Variants in NR3C1 observed in about 807,000 individuals in gnomAD.
NR3C1 encodes glucocorticoid receptor.
A neutral mutation model predicts 74.0 loss-of-function variants in NR3C1; 14 were observed. That is an observed-to-expected ratio of 0.19 (90% CI 0.12 to 0.30). The LOEUF is 0.30. Among genes scored for constraint, NR3C1 ranks in the 10% least tolerant of loss-of-function variants. The probability of loss-of-function intolerance (pLI) is 1.00; values close to 1 mark genes in which losing one functional copy is unlikely to be tolerated. For missense variants in NR3C1, 695 were observed against 909.8 expected (o/e 0.76, Z 3.04); for synonymous variants, 308 against 332.5 (o/e 0.93, Z 0.80).
intron 2 of NR3C1, among the ~76,000 whole-genome samples, chr5:143,342,128 G>GA (rs566733744): frequency 7.3e-4 from 105 of 144,354 alleles, no homozygotes; most frequent in African/African-American, 9.8e-4. Flanking sequence ...GTGTTTCACA[G>GA]AAAAAAAAAA....
At chr5:143,311,287 T>C (rs1240276064) in intron 3 of NR3C1, among the ~76,000 whole-genome samples, 1 of 152,100 alleles carries the variant, frequency 6.6e-6, no homozygotes, top group African/African-American at 2.4e-5. Context: ...TAAATCACTG[T>C]CCTACAGTTA....
intron 1 of NR3C1, among the ~76,000 whole-genome samples, chr5:143,424,070 G>GGGGTGTA (rs1309688896): frequency 7.3e-6 from 1 of 136,428 alleles, no homozygotes; most frequent in African/African-American, 3.3e-5. Context: ...TGTGGGGTGT[G>GGGGTGTA]GGGAGGGGGG....
rs10482707 is a variant in NR3C1 at position 143,281,479 on chromosome 5, A to AG, written c.*409dup. 816 of 212,378 alleles carry AG rather than the reference A, an allele frequency of 3.8e-3. 2 individuals carry two copies. Among genetic ancestry groups the AG allele is most frequent in the African/African-American group, 0.015 (601 of 41,290 alleles). 13.2% of individuals were successfully genotyped at this position (212,378 alleles called of 1,614,324 possible). Reference sequence around the variant, plus strand: ...ATCAAAAATGCTATCCTAACTATACAGGGGGGGGATACACCAACAGAAAGT... The same window carrying AG: ...ATCAAAAATGCTATCCTAACTATACAGGGGGGGGGATACACCAACAGAAAGT... On this transcript the variant is annotated 3_prime_UTR_variant, in exon 9 of 9. Coordinates refer to ENST00000394464, the MANE Select transcript of NR3C1 (RefSeq NM_000176.3).
intron 2 of NR3C1, among the ~76,000 whole-genome samples, chr5:143,369,903 C>A (rs1325275766): frequency 6.6e-6 from 1 of 152,198 alleles, no homozygotes; most frequent in African/African-American, 2.4e-5. Flanking sequence ...AATATCAGAT[C>A]AAAAGGTGAA....
chr5:143,383,172 TA>T (rs1561732278), intron 2 of NR3C1, among the ~76,000 whole-genome samples: 2 of 152,244 alleles, frequency 1.3e-5, no homozygotes, highest in African/African-American at 4.8e-5. Context: ...CAGAAACAAC[TA>T]AAGCTTTGTC....
chr5:143,327,402 C>G (rs1465472180), intron 2 of NR3C1, among the ~76,000 whole-genome samples: 1 of 152,124 alleles, frequency 6.6e-6, no homozygotes, highest in African/African-American at 2.4e-5. Flanking sequence ...GGACACAGAG[C>G]CAAACCATAT....
chr5:143,414,143 A>G (rs771384586), intron 1 of NR3C1, among the ~76,000 whole-genome samples: 19 of 152,198 alleles, frequency 1.2e-4, no homozygotes, highest in Non-Finnish European at 2.5e-4. Flanking sequence ...TACACAAATG[A>G]ATTGATGATT....
At chr5:143,405,614 C>T (rs1841066650), upstream of NR3C1, among the ~76,000 whole-genome samples, 1 of 152,054 alleles carries the variant, frequency 6.6e-6, no homozygotes, top group Admixed American at 6.5e-5. Context: ...CTACGGGGGC[C>T]GCCTCCAGAG....
At chr5:143,332,871 C>T (rs1826288931) in intron 2 of NR3C1, 2 of 1,463,602 alleles carry the variant, frequency 1.4e-6, no homozygotes, top group Admixed American at 1.7e-5. Context: ...AAAAGTTACC[C>T]CCTAGAATCT....
At chr5:143,414,769 A>G (rs1223338069) in intron 1 of NR3C1, among the ~76,000 whole-genome samples, 1 of 152,240 alleles carries the variant, frequency 6.6e-6, no homozygotes, top group African/African-American at 2.4e-5. Context: ...AAGGAATTAA[A>G]TAGTTCGGTT....
In NR3C1 at chr5:143,400,326, C is replaced by T. The variant is rs771893767; in HGVS notation, c.514G>A (p.Gly172Ser). The change falls in exon 2 of 9, where the codon GGC becomes AGC. Residue 172 changes from glycine to serine, a missense_variant. Physicochemically the swap from Gly to Ser is moderately conservative, Grantham distance 56. This residue lies in a region of NR3C1 where 497 missense variants were observed against 489.5 expected (regional missense o/e 1.02). Coordinates refer to ENST00000394464, the MANE Select transcript of NR3C1 (RefSeq NM_000176.3). ...TTGCCACCGTTGGTGCCAGTCTGGC[C>T]CTTCAAATGTTGCTGTTCTGAAGAT... ...DVSSEQQHLK[G>S]QTGTNGGNVK... 12 of 1,612,794 alleles carry T rather than the reference C, an allele frequency of 7.4e-6. No homozygotes were observed. Among genetic ancestry groups the T allele is most frequent in the Non-Finnish European group, 1.0e-5 (12 of 1,179,254 alleles).
At chr5:143,314,755 A>C (rs1821727235) in intron 2 of NR3C1, among the ~76,000 whole-genome samples, 2 of 152,182 alleles carry the variant, frequency 1.3e-5, no homozygotes. Flanking sequence ...TTTTTGTCCC[A>C]TGTCTCTAAT....
chr5:143,282,796 G>A (rs1351669307), intron 7 of NR3C1, 71 bp from the exon 8 acceptor site: 1 of 1,317,722 alleles, frequency 7.6e-7, no homozygotes, highest in African/African-American at 1.5e-5. Flanking sequence ...TTTTTTTTGA[G>A]ATAGATAGGG....
At chr5:143,403,883 C>T (rs1484919164), upstream of NR3C1, 5 of 980,260 alleles carry the variant, frequency 5.1e-6, no homozygotes, top group Non-Finnish European at 6.0e-6. Context: ...CGCCTGCACG[C>T]CCGCGTCCCC....
chr5:143,284,067 C>CTAGAAGTCTTA (rs1813734866), intron 7 of NR3C1, among the ~76,000 whole-genome samples: 1 of 152,112 alleles, frequency 6.6e-6, no homozygotes, highest in South Asian at 2.1e-4. Flanking sequence ...TTAGGAGCTT[C>CTAGAAGTCTTA]TAGAAGTCTT....
rs10482714 is a variant in NR3C1 at position 143,278,339 on chromosome 5, C to A, written c.*3550G>T. ...ATATACAAAATAGAATATTGACACACTTGAATCTATATGTAGTTAAGCAAG... is the reference window on the plus strand; with the variant it reads ...ATATACAAAATAGAATATTGACACAATTGAATCTATATGTAGTTAAGCAAG... On this transcript the variant is annotated 3_prime_UTR_variant, in exon 9 of 9. Coordinates refer to ENST00000394464, the MANE Select transcript of NR3C1 (RefSeq NM_000176.3). The A allele has an allele frequency of 6.6e-6, 1 of 152,118 alleles. No individual in the cohort carries two copies. Among genetic ancestry groups the A allele is most frequent in the Non-Finnish European group, 1.5e-5 (1 of 68,032 alleles). The allele number at this position is 152,118 out of a possible 1,614,324, so 9.4% of individuals were successfully genotyped here.
chr5:143,324,840 C>T (rs547445725), intron 2 of NR3C1, among the ~76,000 whole-genome samples: 2 of 152,248 alleles, frequency 1.3e-5, no homozygotes, highest in African/African-American at 4.8e-5. Flanking sequence ...GTTCAAAGTT[C>T]CACAAATCTC....
intron 2 of NR3C1, among the ~76,000 whole-genome samples, chr5:143,365,380 G>A (rs893114704): frequency 1.3e-5 from 2 of 151,974 alleles, no homozygotes; most frequent in African/African-American, 2.4e-5. Flanking sequence ...AAGCTGAAGT[G>A]GCTATACTAA....
At chr5:143,419,027 A>G (rs1233985315) in intron 1 of NR3C1, among the ~76,000 whole-genome samples, 1 of 152,222 alleles carries the variant, frequency 6.6e-6, no homozygotes, top group Non-Finnish European at 1.5e-5. Context: ...GAAATCGGAA[A>G]TGCTCCAAAA....
Sources: allele counts gnomAD v4.1 joint callset (sites outside exome capture counted in the v4.1 genomes callset), GRCh38; gene constraint gnomAD v4.1.1; regional missense constraint gnomAD v4.1.1; transcripts MANE v1.5; gene names NCBI Gene and HGNC (gene_info 2026-07-23, HGNC 2026-07-21).